Variants in PCDH9 observed in about 807,000 individuals in gnomAD.
The protein encoded by PCDH9 is protocadherin 9.
In PCDH9, 24 loss-of-function variants were observed where a neutral mutation model predicts 70.6. The observed-to-expected ratio is 0.34, with a 90% confidence interval of 0.25 to 0.48. PCDH9 has a LOEUF of 0.48. Among genes scored for constraint, PCDH9 ranks in the 20% least tolerant of loss-of-function variants. The pLI is 0.99. For missense variants in PCDH9, 1,281 were observed against 1,503.6 expected (o/e 0.85, Z 2.45); for synonymous variants, 562 against 558.5 (o/e 1.01, Z -0.09).
At chr13:67,015,326 T>G (rs986165506) in intron 2 of PCDH9, among the ~76,000 whole-genome samples, 4 of 152,146 alleles carry the variant, frequency 2.6e-5, no homozygotes, top group Non-Finnish European at 1.5e-5. Context: ...AAATATGGCC[T>G]GAATTTTAAG....
At chr13:66,805,581 A>G (rs887181605) in intron 3 of PCDH9, among the ~76,000 whole-genome samples, 1 of 152,176 alleles carries the variant, frequency 6.6e-6, no homozygotes, top group African/African-American at 2.4e-5. Flanking sequence ...CACTGACGTT[A>G]AATAACAGAC....
intron 3 of PCDH9, among the ~76,000 whole-genome samples, chr13:66,807,646 T>C (rs1484269259): frequency 6.8e-6 from 1 of 145,986 alleles, no homozygotes; most frequent in East Asian, 1.9e-4. Context: ...ACTAAATAAG[T>C]ATTTGTTATC....
chr13:66,511,349 G>A (rs569506459), intron 4 of PCDH9, among the ~76,000 whole-genome samples: 1 of 151,908 alleles, frequency 6.6e-6, no homozygotes, highest in East Asian at 1.9e-4. Context: ...GCACATTCTG[G>A]GGCATGTTAT....
chr13:66,771,956 C>G (rs1484304373), intron 3 of PCDH9, among the ~76,000 whole-genome samples: 1 of 152,134 alleles, frequency 6.6e-6, no homozygotes, highest in Non-Finnish European at 1.5e-5. Flanking sequence ...AGAACAACAA[C>G]AAGCTCAAAC....
At chr13:66,503,687 A>G (rs1211072117) in intron 4 of PCDH9, among the ~76,000 whole-genome samples, 1 of 152,192 alleles carries the variant, frequency 6.6e-6, no homozygotes, top group Non-Finnish European at 1.5e-5. Context: ...AAGATCCAAA[A>G]GATAATATAA....
At chr13:66,561,305 A>G (rs1168965013) in intron 4 of PCDH9, among the ~76,000 whole-genome samples, 1 of 151,996 alleles carries the variant, frequency 6.6e-6, no homozygotes. Context: ...GCTTCCCCCC[A>G]CCCACTCTGT....
At chr13:66,901,788 T>C (rs1194001485) in intron 3 of PCDH9, among the ~76,000 whole-genome samples, 3 of 151,722 alleles carry the variant, frequency 2.0e-5, no homozygotes, top group Non-Finnish European at 4.4e-5. Context: ...TTATATTCTC[T>C]ACGAAAAATA....
chr13:67,225,306 C>T, intron 2 of PCDH9, 99 bp downstream of exon 2: 2 of 1,373,934 alleles, frequency 1.5e-6, no homozygotes, highest in Non-Finnish European at 2.0e-6. Context: ...TCTAACTAAG[C>T]TAAAGTTAGA....
chr13:67,024,989 G>A (rs968790515), intron 2 of PCDH9, among the ~76,000 whole-genome samples: 2 of 151,862 alleles, frequency 1.3e-5, no homozygotes, highest in East Asian at 1.9e-4. Context: ...AAGTATATTC[G>A]TTTGTCATTT....
At chr13:67,039,721 T>C (rs2085075480) in intron 2 of PCDH9, among the ~76,000 whole-genome samples, 1 of 152,202 alleles carries the variant, frequency 6.6e-6, no homozygotes, top group African/African-American at 2.4e-5. Context: ...ATAAGTAAAA[T>C]ACTGCCCTGA....
rs559456252 is a variant in PCDH9 at position 66,469,988 on chromosome 13, T to C, written c.3340+161222A>G. Among the ~76,000 whole-genome samples the C allele has an allele frequency of 5.3e-5, 8 of 152,300 alleles. No homozygotes were observed. The East Asian group carries it at 7.7e-4, about 15-fold the overall frequency. On this transcript the variant is annotated intron_variant, in intron 4 of 4. Coordinates refer to ENST00000377865, the MANE Select transcript of PCDH9 (RefSeq NM_203487.3). ...ACTGTCTGCTTGTCTTTCTAGACTT[T>C]ATCCACTTTTAACCGTGATCTCTGG...
chr13:66,889,465 C>A (rs1035355863), intron 3 of PCDH9, among the ~76,000 whole-genome samples: 1 of 152,144 alleles, frequency 6.6e-6, no homozygotes, highest in Non-Finnish European at 1.5e-5. Flanking sequence ...TGATTGCTTC[C>A]ATGATTCTTA....
intron 4 of PCDH9, among the ~76,000 whole-genome samples, chr13:66,519,418 A>G (rs1377057540): frequency 6.6e-6 from 1 of 152,144 alleles, no homozygotes; most frequent in Non-Finnish European, 1.5e-5. Flanking sequence ...GATCAAACTG[A>G]CCATCAACGG....
At chr13:66,320,905 A>G (rs915918256) in intron 4 of PCDH9, among the ~76,000 whole-genome samples, 1 of 152,000 alleles carries the variant, frequency 6.6e-6, no homozygotes, top group African/African-American at 2.4e-5. Flanking sequence ...TATAGCTTTC[A>G]TGTTCTCCCT....
At chr13:66,455,140 T>A (rs2138437651) in intron 4 of PCDH9, among the ~76,000 whole-genome samples, 1 of 152,154 alleles carries the variant, frequency 6.6e-6, no homozygotes, top group East Asian at 1.9e-4. Context: ...ATTGTAAGTT[T>A]CATAATTCAA....
At chr13:66,707,261 G>T (rs760306114) in intron 3 of PCDH9, among the ~76,000 whole-genome samples, 1 of 152,032 alleles carries the variant, frequency 6.6e-6, no homozygotes, top group Non-Finnish European at 1.5e-5. Flanking sequence ...ATTTTTTGTC[G>T]TTTTGAACAC....
chr13:66,554,891 CG>C (rs2138688915), intron 4 of PCDH9, among the ~76,000 whole-genome samples: 1 of 152,166 alleles, frequency 6.6e-6, no homozygotes, highest in African/African-American at 2.4e-5. Flanking sequence ...TTCTTGCGGC[CG>C]GGCATGGTGT....
rs375917266 is a variant in PCDH9 at position 66,565,211 on chromosome 13, C to A, written c.3340+65999G>T. Among the ~76,000 whole-genome samples the A allele has an allele frequency of 3.9e-5, 6 of 152,278 alleles. No individual in the cohort carries two copies. The East Asian group carries it at 5.8e-4, about 15-fold the overall frequency. Reference sequence around the variant, plus strand: ...TATACAAGAAAGAACTAATGTTTTTCACTTTGTATCAGTAGACTTTGAAAC... The same window carrying A: ...TATACAAGAAAGAACTAATGTTTTTAACTTTGTATCAGTAGACTTTGAAAC... On this transcript the variant is annotated intron_variant, in intron 4 of 4. Coordinates refer to ENST00000377865, the MANE Select transcript of PCDH9 (RefSeq NM_203487.3).
At chr13:66,420,366 C>T (rs1238249784) in intron 4 of PCDH9, among the ~76,000 whole-genome samples, 6 of 152,186 alleles carry the variant, frequency 3.9e-5, no homozygotes, top group Admixed American at 3.9e-4. Flanking sequence ...GACCCCTGTG[C>T]CTCATGATGG....
Sources: allele counts gnomAD v4.1 joint callset (sites outside exome capture counted in the v4.1 genomes callset), GRCh38; gene constraint gnomAD v4.1.1; transcripts MANE v1.5; gene names NCBI Gene and HGNC (gene_info 2026-07-23, HGNC 2026-07-21).